PSG11: variants seen among roughly 807,000 people sequenced by gnomAD.
PSG11 encodes pregnancy-specific beta-1-glycoprotein 11.
In PSG11, 42 loss-of-function variants were observed where a neutral mutation model predicts 36.0. The ratio of observed to expected loss-of-function variants is 1.17; its 90% confidence interval spans 0.91 to 1.51. The LOEUF is 1.51. Ranked by LOEUF, PSG11 falls within the 40% of genes most tolerant of loss-of-function variation. The pLI is 0.00. For synonymous variants in PSG11, 206 were observed against 153.5 expected (o/e 1.34, Z -2.53); for missense variants, 558 against 403.5 (o/e 1.38, Z -3.28).
intron 5 of PSG11, 90 bp from the exon 6 acceptor site, chr19:43,008,132 A>G (rs1973976559): frequency 3.2e-6 from 1 of 315,138 alleles, no homozygotes; most frequent in Non-Finnish European, 6.1e-6. Flanking sequence ...AAAGATTTAA[A>G]ATGACTATGT....
chr19:43,018,724 T>C (rs777056256), intron 3 of PSG11, 46 bp downstream of exon 3: 4 of 1,611,852 alleles, frequency 2.5e-6, no homozygotes, highest in Non-Finnish European at 3.4e-6. Flanking sequence ...TGGCCATGTG[T>C]ATTTGGGATG....
At chr19:43,023,682 T>A (rs1490627912) in intron 2 of PSG11, among the ~76,000 whole-genome samples, 1 of 151,140 alleles carries the variant, frequency 6.6e-6, no homozygotes, top group African/African-American at 2.4e-5. Context: ...GAGGAGAGGA[T>A]GGGCCTGTGG....
chr19:43,024,235 C>T (rs1165140648), intron 2 of PSG11, among the ~76,000 whole-genome samples: 2 of 151,354 alleles, frequency 1.3e-5, no homozygotes, highest in Non-Finnish European at 2.9e-5. Context: ...CCCAAGAAGC[C>T]ACAACCCAGC....
chr19:43,018,479 C>T (rs1967020323), intron 3 of PSG11: 2 of 646,314 alleles, frequency 3.1e-6, no homozygotes, highest in South Asian at 4.3e-5. Context: ...GACTGAAGTC[C>T]CAGCCAAATC....
chr19:43,012,003 T>C (rs2122788280), intron 4 of PSG11, among the ~76,000 whole-genome samples: 1 of 150,990 alleles, frequency 6.6e-6, no homozygotes, highest in South Asian at 2.1e-4. Context: ...ATAAATTGGA[T>C]AACCTAGATG....
At chr19:43,012,214 A>C (rs546295769) in intron 4 of PSG11, among the ~76,000 whole-genome samples, 34 of 151,576 alleles carry the variant, frequency 2.2e-4, no homozygotes, top group African/African-American at 7.8e-4. Context: ...GAAAGACTGA[A>C]AGCTTCCCCT....
intron 4 of PSG11, among the ~76,000 whole-genome samples, chr19:43,013,168 A>G (rs1974116694): frequency 1.3e-5 from 2 of 151,186 alleles, no homozygotes; most frequent in Admixed American, 1.3e-4. Context: ...AAACTATACA[A>G]CTCTTAGAAG....
At chr19:43,009,880 G>C (rs554540885) in intron 5 of PSG11, 78 bp downstream of exon 5, 3 of 1,174,754 alleles carry the variant, frequency 2.6e-6, no homozygotes, top group Non-Finnish European at 3.8e-6. Context: ...CCCAGATACA[G>C]GCAAATAAGT....
chr19:43,015,508 G>A, intron 3 of PSG11, 138 bp from the exon 4 acceptor site: 29 of 1,347,332 alleles, frequency 2.2e-5, no homozygotes, highest in Non-Finnish European at 2.7e-5. Context: ...TGTTCACTGA[G>A]CTGAAGCCTG....
Position 43,016,046 on chromosome 19 carries a change from C to T in PSG11, c.710-676G>A, listed in dbSNP as rs141537423. On this transcript the variant is annotated intron_variant, in intron 3 of 5. Transcript: ENST00000320078. The stretch of plus-strand genomic sequence containing the variant: ...GTGATGTAGGGCATGGGCAGCTTTG[C>T]TGTGTGGATAACAGAGAGAAGATTG... 3.4e-5 allele frequency: 55 copies of T among 1,607,956 alleles called. 2 individuals are homozygous for T. The African/African-American group carries it at 5.7e-4, about 17-fold the overall frequency.
At chr19:43,022,732 T>G (rs537108318) in intron 2 of PSG11, among the ~76,000 whole-genome samples, 20 of 151,146 alleles carry the variant, frequency 1.3e-4, no homozygotes, top group South Asian at 4.2e-4. Flanking sequence ...GAAGAGCCCT[T>G]GATGGGAATA....
chr19:43,014,292 A>G (rs756415229), intron 4 of PSG11: 4 of 837,004 alleles, frequency 4.8e-6, no homozygotes, highest in Non-Finnish European at 5.7e-6. Context: ...CTCTATAATT[A>G]CACACTTTTT....
At chr19:43,012,129 C>T (rs776059731) in intron 4 of PSG11, among the ~76,000 whole-genome samples, 1 of 151,084 alleles carries the variant, frequency 6.6e-6, no homozygotes, top group Non-Finnish European at 1.5e-5. Flanking sequence ...GAAAAACATT[C>T]TAAGAATGGA....
In PSG11 at chr19:43,025,114, T is replaced by G. The variant is rs183930687; in HGVS notation, c.65-58A>C. On this transcript the variant is annotated intron_variant, in intron 1 of 5. Transcript: ENST00000320078. ...AGACCTATGTATTGGGGTGAAAAGA[T>G]GGGGCCCTGAGTCCTGAGAAGGTCT... The G allele has an allele frequency of 4.2e-4, 665 of 1,564,814 alleles. 33 individuals carry two copies. In the African/African-American group the frequency reaches 8.2e-3, roughly 19 times the overall value.
chr19:43,014,345 C>T, intron 4 of PSG11: 15 of 918,004 alleles, frequency 1.6e-5, no homozygotes, highest in Non-Finnish European at 1.9e-5. Flanking sequence ...AGGGGTGAAT[C>T]TTCCTATTTC....
chr19:43,012,165 A>G lies in PSG11; in HGVS notation c.965-2124T>C, dbSNP rs184942908. Among the ~76,000 whole-genome samples, 202 of 151,542 alleles carry G rather than the reference A, an allele frequency of 1.3e-3. 5 individuals carry two copies. The highest frequency in any genetic ancestry group is 2.7e-3 in the Non-Finnish European group (180 of 67,914). On this transcript the variant is annotated intron_variant, in intron 4 of 5. Transcript: ENST00000320078. ...AGGAAACCACCTCAACATAAAGGCA[A>G]TATGTGAAAAACCCAATGCTAACAT...
intron 3 of PSG11, among the ~76,000 whole-genome samples, chr19:43,017,008 C>A (rs1966983527): frequency 6.6e-6 from 1 of 151,244 alleles, no homozygotes; most frequent in African/African-American, 2.4e-5. Context: ...CTCTCTGATC[C>A]CCTGGGTTCG....
In PSG11 at chr19:43,024,858, A is replaced by G; in HGVS notation, c.263T>C (p.Ile88Thr). The change falls in exon 2 of 6, where the codon ATA becomes ACA. Residue 88 changes from isoleucine (I) to threonine (T), a missense_variant. Physicochemically the swap from Ile to Thr is moderately conservative, Grantham distance 89. Transcript: ENST00000320078. ...ACTGTATGCCGGTCCATATATAATT[A>G]TTTGACCGTCTACTACATATGATGT... ...YITSYVVDGQ[I>T]IIYGPAYSGR... The G allele has an allele frequency of 1.2e-6, 2 of 1,611,736 alleles. No homozygotes were observed. The highest frequency in any genetic ancestry group is 1.7e-6 in the Non-Finnish European group (2 of 1,179,058).
rs1158845001 is a variant in PSG11 at position 43,025,183 on chromosome 19, A to ACACC, written c.65-128_65-127insGGTG. 3 of 1,366,532 alleles carry ACACC rather than the reference A, an allele frequency of 2.2e-6. No individual in the cohort carries two copies. In the African/African-American group the frequency reaches 4.5e-5, roughly 20 times the overall value. 84.7% of individuals were successfully genotyped at this position (1,366,532 alleles called of 1,614,324 possible). A position where few individuals can be genotyped will look rare whatever the true frequency, so the allele number is the denominator to read the frequency against. On this transcript the variant is annotated intron_variant, in intron 1 of 5. Transcript: ENST00000320078. Reference sequence around the variant, plus strand: ...AAGACACACACACACACACACACACACATACAAACATACACACACAGAAAA... The same window carrying ACACC: ...AAGACACACACACACACACACACACACACCCATACAAACATACACACACAGAAAA...
Sources: gnomAD v4.1 joint callset for allele counts (sites outside exome capture counted in the v4.1 genomes callset) on GRCh38, gnomAD v4.1.1 for gene constraint, MANE v1.5 for transcripts, NCBI Gene and HGNC (gene_info 2026-07-23, HGNC 2026-07-21) for gene names.